ADGRL3: variants seen among roughly 807,000 people sequenced by gnomAD.
ADGRL3 encodes calcium-independent alpha-latrotoxin receptor 3.
ADGRL3 carries 62 observed loss-of-function variants against 153.5 expected under a neutral mutation model. The observed-to-expected ratio is 0.40, with a 90% CI of 0.33 to 0.50. ADGRL3 has a LOEUF of 0.50. Ranked by LOEUF, ADGRL3 falls within the 20% of genes least tolerant of loss-of-function variation. The pLI, the probability that ADGRL3 is intolerant of heterozygous loss-of-function variation, is 0.47. For synonymous variants in ADGRL3, 710 were observed against 672.5 expected (o/e 1.06, Z -0.86); for missense variants, 1,641 against 1,859.4 (o/e 0.88, Z 2.16).
chr4:61,955,189 C>T (rs1055157513), intron 17 of ADGRL3, among the ~76,000 whole-genome samples: 5 of 152,074 alleles, frequency 3.3e-5, no homozygotes, highest in Non-Finnish European at 5.9e-5. Context: ...TACTTTAGCA[C>T]CAGAGGTCTG....
At chr4:61,276,847 T>G (rs929624670) in intron 1 of ADGRL3, among the ~76,000 whole-genome samples, 1 of 152,094 alleles carries the variant, frequency 6.6e-6, no homozygotes, top group Non-Finnish European at 1.5e-5. Context: ...ATCTGAAAAA[T>G]AGGGATAATA....
chr4:61,933,329 C>A (rs894828526), intron 13 of ADGRL3, among the ~76,000 whole-genome samples: 2 of 150,462 alleles, frequency 1.3e-5, no homozygotes, highest in Non-Finnish European at 3.0e-5. Flanking sequence ...TTTGGCATAT[C>A]CTGTTGGCAT....
At chr4:61,755,277 C>A (rs906290471) in intron 8 of ADGRL3, among the ~76,000 whole-genome samples, 8 of 151,782 alleles carry the variant, frequency 5.3e-5, no homozygotes, top group Non-Finnish European at 1.2e-4. Flanking sequence ...CTCTCCAGCA[C>A]CTGTTGTTTC....
At chr4:61,622,825 T>C (rs1323330187) in intron 5 of ADGRL3, among the ~76,000 whole-genome samples, 1 of 152,122 alleles carries the variant, frequency 6.6e-6, no homozygotes, top group African/African-American at 2.4e-5. Context: ...AGCAGTCATA[T>C]TCAAGAACTC....
At chr4:61,544,322 C>G (rs1446825771) in intron 4 of ADGRL3, among the ~76,000 whole-genome samples, 2 of 152,166 alleles carry the variant, frequency 1.3e-5, no homozygotes, top group Admixed American at 6.5e-5. Flanking sequence ...TCTCTGATTA[C>G]TAAAGAGAAT....
intron 21 of ADGRL3, among the ~76,000 whole-genome samples, chr4:62,013,403 A>T (rs1048654348): frequency 5.3e-5 from 8 of 151,998 alleles, no homozygotes; most frequent in Non-Finnish European, 1.2e-4. Context: ...TTAGCCAGGC[A>T]TGGTGGCACG....
chr4:61,440,889 C>G (rs1336057101), intron 2 of ADGRL3, among the ~76,000 whole-genome samples: 1 of 151,966 alleles, frequency 6.6e-6, no homozygotes, highest in African/African-American at 2.4e-5. Context: ...AGTCATGTAC[C>G]CTTTGGTTTA....
chr4:61,586,348 AG>A (rs1332556194), intron 4 of ADGRL3, among the ~76,000 whole-genome samples: 2 of 152,062 alleles, frequency 1.3e-5, no homozygotes, highest in Non-Finnish European at 2.9e-5. Flanking sequence ...AAGACCTTTC[AG>A]GATGTCCATG....
chr4:61,648,645 AC>A (rs2094134924), intron 5 of ADGRL3, among the ~76,000 whole-genome samples: 1 of 151,772 alleles, frequency 6.6e-6, no homozygotes, highest in African/African-American at 2.4e-5. Context: ...CTATTCTCTA[AC>A]TAGAGGAGAA....
At chr4:61,876,567 A>G (rs998479721) in intron 9 of ADGRL3, among the ~76,000 whole-genome samples, 1 of 152,126 alleles carries the variant, frequency 6.6e-6, no homozygotes, top group Non-Finnish European at 1.5e-5. Context: ...TCTGCTTACA[A>G]TCATTACAAA....
intron 1 of ADGRL3, among the ~76,000 whole-genome samples, chr4:61,246,454 C>G (rs1757126100): frequency 6.6e-6 from 1 of 151,942 alleles, no homozygotes; most frequent in Admixed American, 6.6e-5. Context: ...TGATTTATGA[C>G]AAAATTTAAA....
At chr4:61,481,501 A>C (rs1044730049) in intron 2 of ADGRL3, among the ~76,000 whole-genome samples, 5 of 152,234 alleles carry the variant, frequency 3.3e-5, no homozygotes, top group Admixed American at 2.0e-4. Flanking sequence ...AAACAAAAAA[A>C]CGCACTCTTG....
At chr4:61,900,707 A>G (rs2098659678) in intron 11 of ADGRL3, among the ~76,000 whole-genome samples, 1 of 152,140 alleles carries the variant, frequency 6.6e-6, no homozygotes, top group African/African-American at 2.4e-5. Flanking sequence ...AGGTGGATGG[A>G]TGGATGAATG....
At chr4:61,350,060 C>T (rs1422607937) in intron 1 of ADGRL3, among the ~76,000 whole-genome samples, 1 of 152,038 alleles carries the variant, frequency 6.6e-6, no homozygotes, top group East Asian at 1.9e-4. Flanking sequence ...TCATTAATTT[C>T]CCAAATATAT....
chr4:61,823,188 G>A (rs1214153464), intron 9 of ADGRL3, among the ~76,000 whole-genome samples: 1 of 151,992 alleles, frequency 6.6e-6, no homozygotes, highest in Non-Finnish European at 1.5e-5. Flanking sequence ...TAGGTTCCAG[G>A]GCTTATTTCT....
chr4:61,485,082 C>A (rs938686487), intron 2 of ADGRL3, among the ~76,000 whole-genome samples: 5 of 152,118 alleles, frequency 3.3e-5, no homozygotes, highest in African/African-American at 9.7e-5. Flanking sequence ...CAGTAATTGT[C>A]CCTGCCTCCC....
At chr4:61,799,347 G>A (rs1482083456) in intron 8 of ADGRL3, among the ~76,000 whole-genome samples, 1 of 152,028 alleles carries the variant, frequency 6.6e-6, no homozygotes, top group Non-Finnish European at 1.5e-5. Flanking sequence ...AGGTTTTGCA[G>A]GCTACATGTG....
At chr4:61,764,442 GAGTGGGGGTCGCAAGGTGCTCAGTGGGGA>G (rs1346930231) in intron 8 of ADGRL3, among the ~76,000 whole-genome samples, 8,645 of 145,822 alleles carry the variant, frequency 0.059, 776 homozygotes, top group African/African-American at 0.17. Flanking sequence ...CAGTGGGCAG[GAGTGGGGGTCGCAAGGTGCTCAGTGGGGA>G]TGCTTTTGGA....
At chr4:61,519,817 GT>G (rs2098519187) in intron 4 of ADGRL3, among the ~76,000 whole-genome samples, 1 of 151,892 alleles carries the variant, frequency 6.6e-6, no homozygotes, top group South Asian at 2.1e-4. Context: ...AAACAAGTCT[GT>G]TCTAGAAACA....
Sources: gnomAD v4.1 joint callset for allele counts (sites outside exome capture counted in the v4.1 genomes callset) on GRCh38, gnomAD v4.1.1 for gene constraint, MANE v1.5 for transcripts, NCBI Gene and HGNC (gene_info 2026-07-23, HGNC 2026-07-21) for gene names.